The following ITGAM variants were observed in gnomAD, a reference collection of about 807,000 sequenced individuals.
ITGAM encodes integrin alpha-M.
In ITGAM, 79 loss-of-function variants were observed where a neutral mutation model predicts 137.5. The observed-to-expected ratio is 0.57, with a 90% confidence interval of 0.48 to 0.69. ITGAM has a LOEUF of 0.69. Among genes scored for constraint, ITGAM ranks in the 30% least tolerant of loss-of-function variants. ITGAM has a pLI of 0.00. For synonymous variants in ITGAM, 583 were observed against 592.3 expected (o/e 0.98, Z 0.23); for missense variants, 1,343 against 1,483.5 (o/e 0.91, Z 1.56).
chr16:31,268,629 C>A (rs908371637), intron 5 of ITGAM, among the ~76,000 whole-genome samples: 1 of 152,176 alleles, frequency 6.6e-6, no homozygotes, highest in African/African-American at 2.4e-5. Context: ...CAAAACAAAT[C>A]ATCTCACTTC....
At chr16:31,275,735 G>C (rs1349894681) in intron 9 of ITGAM, 36 bp downstream of exon 9, 11 of 1,610,680 alleles carry the variant, frequency 6.8e-6, no homozygotes, top group African/African-American at 1.3e-5. Context: ...AGCAGCTCCA[G>C]AGGCAGCCCC....
intron 3 of ITGAM, 60 bp from the exon 4 acceptor site, chr16:31,265,751 T>G (rs1316829412): frequency 2.7e-6 from 4 of 1,481,186 alleles, no homozygotes; most frequent in Non-Finnish European, 3.7e-6. Flanking sequence ...CCTGCCCAGC[T>G]CTTCCACAGC....
chr16:31,307,279 G>A (rs1398297532), intron 14 of ITGAM, among the ~76,000 whole-genome samples: 1 of 152,200 alleles, frequency 6.6e-6, no homozygotes, highest in Admixed American at 6.5e-5. Context: ...CTACCCACGA[G>A]CATGGAATGT....
chr16:31,277,359 AT>A (rs10647928), intron 11 of ITGAM, among the ~76,000 whole-genome samples: 285 of 136,916 alleles, frequency 2.1e-3, no homozygotes, highest in Admixed American at 2.3e-3. Flanking sequence ...CCCCTGGCTA[AT>A]TTTTTTTTTT....
At chr16:31,285,781 T>TTTTTC (rs2080022562) in intron 12 of ITGAM, among the ~76,000 whole-genome samples, 2 of 151,982 alleles carry the variant, frequency 1.3e-5, no homozygotes, top group Admixed American at 1.3e-4. Flanking sequence ...TTCTTTTTTC[T>TTTTTC]TTTTCTTTTC....
At chr16:31,289,453 T>A (rs983324051) in intron 12 of ITGAM, among the ~76,000 whole-genome samples, 3 of 152,102 alleles carry the variant, frequency 2.0e-5, no homozygotes, top group African/African-American at 7.2e-5. Flanking sequence ...ATGTCTTTTG[T>A]AGGGACATGG....
chr16:31,329,362 G>T (rs2080551349), intron 24 of ITGAM, 59 bp downstream of exon 24: 1 of 1,232,788 alleles, frequency 8.1e-7, no homozygotes, highest in East Asian at 2.4e-5. Flanking sequence ...ATCGATGGTA[G>T]AAAATGCAGA....
At chr16:31,309,037 T>C (rs1336531690) in intron 14 of ITGAM, among the ~76,000 whole-genome samples, 1 of 97,078 alleles carries the variant, frequency 1.0e-5, no homozygotes, top group African/African-American at 4.2e-5. Context: ...TAATTTCTGT[T>C]CTTTTACATT....
intron 14 of ITGAM, among the ~76,000 whole-genome samples, chr16:31,301,604 CA>C (rs2144396515): frequency 6.6e-6 from 1 of 152,248 alleles, no homozygotes; most frequent in South Asian, 2.1e-4. Flanking sequence ...CTTATTAGCT[CA>C]TATATTTGGA....
Position 31,332,592 on chromosome 16 carries a change from T to A in ITGAM, c.*885T>A, listed in dbSNP as rs138761617. 3.3e-5 allele frequency: 5 copies of A among 152,368 alleles called. No homozygotes were observed. Among genetic ancestry groups the A allele is most frequent in the Non-Finnish European group, 7.3e-5 (5 of 68,034 alleles). The allele number at this position is 152,368 out of a possible 1,614,324, so 9.4% of individuals were successfully genotyped here. ...AGATTCCAGGCGATGTGCAAGTGTA[T>A]GCACGTGTGCACACACACCACACAT... On this transcript the variant is annotated 3_prime_UTR_variant, in exon 30 of 30. Transcript: ENST00000544665.
chr16:31,331,083 A>G, intron 28 of ITGAM, 82 bp from the exon 29 acceptor site: 2 of 731,216 alleles, frequency 2.7e-6, no homozygotes, highest in Admixed American at 4.5e-5. Flanking sequence ...TCCCCACTTG[A>G]TTCAGGGGTG....
chr16:31,324,460 C>T lies in ITGAM; in HGVS notation c.2064C>T (p.Arg688=), dbSNP rs987126894. 8.9e-6 allele frequency: 14 copies of T among 1,564,544 alleles called. No homozygotes were observed. Among genetic ancestry groups the T allele is most frequent in the South Asian group, 3.5e-5 (3 of 84,842 alleles). ...TGGACTCCGGCCGCCCACATTCCCGCGCCGTCTTCAATGAGACAAAGAACA... is the reference window on the plus strand; with the variant it reads ...TGGACTCCGGCCGCCCACATTCCCGTGCCGTCTTCAATGAGACAAAGAACA... ...LALDSGRPHS[R]AVFNETKNST... The change falls in exon 17 of 30, where the codon CGC becomes CGT. Residue 688 remains arginine, a synonymous_variant. Coordinates refer to ENST00000544665, the MANE Select transcript of ITGAM (RefSeq NM_000632.4). The surrounding 1 kb of genome is among the most constrained non-coding windows in gnomAD (Gnocchi z 4.5).
intron 5 of ITGAM, among the ~76,000 whole-genome samples, chr16:31,268,558 C>A (rs561371948): frequency 1.3e-5 from 2 of 152,160 alleles, no homozygotes; most frequent in African/African-American, 4.8e-5. Flanking sequence ...ATTCAGGAGG[C>A]CTCCCAAAGT....
chr16:31,317,778 G>A (rs2080407339), intron 14 of ITGAM, among the ~76,000 whole-genome samples: 1 of 152,090 alleles, frequency 6.6e-6, no homozygotes, highest in South Asian at 2.1e-4. Flanking sequence ...ACATGGTCAT[G>A]GCGTATGACC....
At position 31,331,950 on chromosome 16, in the gene ITGAM, T is replaced by C. The variant is rs1420158985; in HGVS notation, c.*243T>C. 7.2e-6 allele frequency: 4 copies of C among 555,872 alleles called. No homozygotes were observed. Among genetic ancestry groups the C allele is most frequent in the South Asian group, 2.2e-5 (1 of 45,230 alleles). 34.4% of individuals were successfully genotyped at this position (555,872 alleles called of 1,614,324 possible). The stretch of plus-strand genomic sequence containing the variant: ...ACGCCCATGTGTGAGTGTGTGCAAG[T>C]ATGTGAGTGTGTCCAAGTGTGTGTG... On this transcript the variant is annotated 3_prime_UTR_variant, in exon 30 of 30. Transcript: ENST00000544665.
chr16:31,277,126 C>A (rs2079916062), intron 11 of ITGAM, 77 bp downstream of exon 11: 1 of 1,310,668 alleles, frequency 7.6e-7, no homozygotes, highest in Non-Finnish European at 1.1e-6. Flanking sequence ...ATGTCTGGGT[C>A]TTGAATGAAT....
chr16:31,271,004 A>G lies in ITGAM; in HGVS notation c.478A>G (p.Ser160Gly). Residue 160 changes from serine (S) to glycine (G), a missense_variant, in exon 6 of 30, where the codon AGC becomes GGC. Ser to Gly is a moderately conservative substitution (Grantham distance 56). Coordinates refer to ENST00000544665, the MANE Select transcript of ITGAM (RefSeq NM_000632.4). ...TGCCTTCTTGATTGATGGCTCTGGTAGCATCATCCCACATGACTTTCGGCG... is the reference window on the plus strand; with the variant it reads ...TGCCTTCTTGATTGATGGCTCTGGTGGCATCATCCCACATGACTTTCGGCG... ...DIAFLIDGSG[S>G]IIPHDFRRMK... 1 of 1,592,594 alleles carries G rather than the reference A, an allele frequency of 6.3e-7. No homozygotes were observed. Among genetic ancestry groups the G allele is most frequent in the Non-Finnish European group, 8.6e-7 (1 of 1,167,218 alleles).
chr16:31,269,621 T>A (rs1046572762), intron 5 of ITGAM, among the ~76,000 whole-genome samples: 1 of 152,144 alleles, frequency 6.6e-6, no homozygotes, highest in Non-Finnish European at 1.5e-5. Flanking sequence ...GGGGGTTTAT[T>A]TATAAAGGGA....
intron 19 of ITGAM, 34 bp downstream of exon 19, chr16:31,325,065 A>G: frequency 6.3e-7 from 1 of 1,575,376 alleles, no homozygotes; most frequent in Non-Finnish European, 8.7e-7. Context: ...TCCTCCAGAG[A>G]AGGACCCGTA....
Sources: gnomAD v4.1 joint callset for allele counts (sites outside exome capture counted in the v4.1 genomes callset) on GRCh38, gnomAD v4.1.1 for gene constraint, Gnocchi (gnomAD v3.1) non-coding constraint, MANE v1.5 for transcripts, NCBI Gene and HGNC (gene_info 2026-07-23, HGNC 2026-07-21) for gene names.